NLGN4X: variants seen among roughly 807,000 people sequenced by gnomAD.
The protein encoded by NLGN4X is neuroligin 4 X-linked.
A neutral mutation model predicts 40.3 loss-of-function variants in NLGN4X; 3 were observed. The observed-to-expected ratio is 0.07, with a 90% confidence interval of 0.03 to 0.19. The LOEUF (loss-of-function observed/expected upper bound fraction) is 0.19, where lower values mean the gene tolerates loss of function less well. Ranked by LOEUF, NLGN4X falls within the 10% of genes least tolerant of loss-of-function variation. The pLI is 1.00. For missense variants in NLGN4X, 382 were observed against 708.3 expected, an observed-to-expected ratio of 0.54 and a Z score of 5.23; for synonymous variants, 270 against 306.8, an observed-to-expected ratio of 0.88 and a Z score of 1.25.
intron 2 of NLGN4X, among the ~76,000 whole-genome samples, chrX:6,136,998 C>G (rs1393149218): frequency 8.9e-6 from 1 of 112,397 alleles, no homozygotes; most frequent in East Asian, 2.8e-4. Context: ...CAGAATATAC[C>G]TAATCCAGAC....
chrX:5,939,027 G>A (rs761465795), intron 3 of NLGN4X, among the ~76,000 whole-genome samples: 9 of 108,899 alleles, frequency 8.3e-5, no homozygotes, highest in Non-Finnish European at 1.5e-4. Context: ...GCTTGGTTTT[G>A]CATTATCCAG....
At chrX:5,922,959 G>T (rs2033132040) in intron 3 of NLGN4X, among the ~76,000 whole-genome samples, 1 of 111,850 alleles carries the variant, frequency 8.9e-6, no homozygotes, top group African/African-American at 3.2e-5. Flanking sequence ...TTATTTGTGT[G>T]TGGGATAAGT....
intron 3 of NLGN4X, among the ~76,000 whole-genome samples, chrX:5,983,617 G>A (rs180853616): frequency 1.8e-5 from 2 of 111,238 alleles, no homozygotes; most frequent in East Asian, 2.8e-4. Context: ...GAGAAGAAAC[G>A]ATCCAGAGAG....
chrX:6,121,149 T>TACACAC (rs35061904), intron 2 of NLGN4X, among the ~76,000 whole-genome samples: 4,709 of 102,429 alleles, frequency 0.046, 106 homozygotes, highest in East Asian at 0.14. Flanking sequence ...TATATATACA[T>TACACAC]ACACACACAC....
intron 1 of NLGN4X, among the ~76,000 whole-genome samples, chrX:6,178,407 T>TA (rs1262887697): frequency 8.9e-6 from 1 of 111,797 alleles, no homozygotes; most frequent in African/African-American, 3.3e-5. Context: ...TTTCAAACTC[T>TA]AAACTCCTTG....
At chrX:6,102,643 T>TATACATACATACATACATAC (rs60184331) in intron 2 of NLGN4X, among the ~76,000 whole-genome samples, 122 of 104,412 alleles carry the variant, frequency 1.2e-3, no homozygotes, top group Non-Finnish European at 1.2e-3. Flanking sequence ...TTGATAGATA[T>TATACATACATACATACATAC]ATACATACAT....
At chrX:6,180,812 T>A (rs889354888) in intron 1 of NLGN4X, among the ~76,000 whole-genome samples, 7 of 111,098 alleles carry the variant, frequency 6.3e-5, no homozygotes, top group Non-Finnish European at 1.3e-4. Flanking sequence ...TGACAGCTTT[T>A]TTTTTTTTAT....
chrX:6,125,442 C>CAACAGTATACAACAAATAATATA (rs2039519925), intron 2 of NLGN4X, among the ~76,000 whole-genome samples: 1 of 105,319 alleles, frequency 9.5e-6, no homozygotes, highest in Non-Finnish European at 2.0e-5. Context: ...AAATAATATA[C>CAACAGTATACAACAAATAATATA]AACAATATAC....
chrX:5,971,707 C>A (rs1190823197), intron 3 of NLGN4X, among the ~76,000 whole-genome samples: 1 of 111,795 alleles, frequency 8.9e-6, no homozygotes, highest in African/African-American at 3.3e-5. Flanking sequence ...CTCATTTGGA[C>A]ATGCACTGCA....
intron 3 of NLGN4X, among the ~76,000 whole-genome samples, chrX:5,959,216 G>C (rs1205382200): frequency 1.8e-5 from 2 of 111,884 alleles, no homozygotes; most frequent in Admixed American, 9.5e-5. Flanking sequence ...TTCTCAGTCA[G>C]CATCAGGTAA....
intron 1 of NLGN4X, among the ~76,000 whole-genome samples, chrX:6,180,059 T>C (rs762743869): frequency 3.6e-4 from 40 of 112,046 alleles, no homozygotes; most frequent in Non-Finnish European, 6.4e-4. Flanking sequence ...ACATTTACCA[T>C]AGAAAATTAA....
intron 3 of NLGN4X, among the ~76,000 whole-genome samples, chrX:5,941,944 T>C (rs960435329): frequency 2.7e-5 from 3 of 112,078 alleles, no homozygotes; most frequent in Non-Finnish European, 5.6e-5. Flanking sequence ...TTCTACATGT[T>C]GAGTCTTTTA....
At chrX:5,946,990 T>C (rs773609207) in intron 3 of NLGN4X, among the ~76,000 whole-genome samples, 42 of 111,955 alleles carry the variant, frequency 3.8e-4, no homozygotes, top group African/African-American at 1.4e-3. Context: ...TCTATTCATG[T>C]TCCTGCAAAA....
chrX:6,179,787 C>T (rs1921230889), intron 1 of NLGN4X, among the ~76,000 whole-genome samples: 1 of 112,042 alleles, frequency 8.9e-6, no homozygotes, highest in African/African-American at 3.2e-5. Context: ...GTTACAAGGA[C>T]ACCACCAAAG....
intron 1 of NLGN4X, among the ~76,000 whole-genome samples, chrX:6,173,237 C>G (rs1446226853): frequency 8.9e-6 from 1 of 112,267 alleles, no homozygotes; most frequent in East Asian, 2.8e-4. Flanking sequence ...AAGAGTTTTG[C>G]ATGAAGTTAA....
chrX:6,067,608 G>C (rs1278224757), intron 2 of NLGN4X, among the ~76,000 whole-genome samples: 1 of 111,615 alleles, frequency 9.0e-6, no homozygotes, highest in African/African-American at 3.3e-5. Flanking sequence ...TTTCCAAGGA[G>C]AAGTCCAGGT....
intron 3 of NLGN4X, among the ~76,000 whole-genome samples, chrX:5,926,859 G>C (rs1261828155): frequency 9.3e-6 from 1 of 107,331 alleles, no homozygotes; most frequent in African/African-American, 3.4e-5. Flanking sequence ...CATTTGTCTA[G>C]AGAGAGAGAA....
chrX:6,123,825 T>A (rs72609518), intron 2 of NLGN4X, among the ~76,000 whole-genome samples: 8,320 of 93,371 alleles, frequency 0.089, 335 homozygotes, highest in East Asian at 0.17. Flanking sequence ...ATAATGGAAG[T>A]CAGGTAAAGC....
chrX:5,969,965 T>A (rs868160267), intron 3 of NLGN4X, among the ~76,000 whole-genome samples: 1 of 94,560 alleles, frequency 1.1e-5, no homozygotes, highest in African/African-American at 4.1e-5. Context: ...TAGGTGGGAA[T>A]TGAACAGTGA....
Sources: gnomAD v4.1 joint callset for allele counts (sites outside exome capture counted in the v4.1 genomes callset) on GRCh38, gnomAD v4.1.1 for gene constraint, MANE v1.5 for transcripts, NCBI Gene and HGNC (gene_info 2026-07-23, HGNC 2026-07-21) for gene names.